Variants in SCLT1 observed in about 807,000 individuals in gnomAD.
The protein encoded by SCLT1 is sodium channel and clathrin linker 1, also known as sodium channel-associated protein 1.
SCLT1 carries 78 observed loss-of-function variants against 112.8 expected under a neutral mutation model. The ratio of observed to expected loss-of-function variants is 0.69; its 90% CI spans 0.58 to 0.83. The LOEUF (loss-of-function observed/expected upper bound fraction) is 0.83. SCLT1 is among the 40% of genes least tolerant of loss of function. The pLI is 0.00. For missense variants in SCLT1, 747 were observed against 770.4 expected, an observed-to-expected ratio of 0.97 and a Z score of 0.36; for synonymous variants, 257 against 254.7, an observed-to-expected ratio of 1.01 and a Z score of -0.09.
intron 5 of SCLT1, among the ~76,000 whole-genome samples, chr4:129,011,439 GTT>G (rs1428576889): frequency 2.0e-5 from 3 of 152,110 alleles, no homozygotes; most frequent in Non-Finnish European, 4.4e-5. Context: ...CATAAAATGA[GTT>G]TTATGGTCTG....
intron 10 of SCLT1, among the ~76,000 whole-genome samples, chr4:128,969,244 T>A (rs1300000468): frequency 1.3e-5 from 2 of 152,162 alleles, no homozygotes; most frequent in African/African-American, 2.4e-5. Context: ...ACTTTTTCTG[T>A]GTGTTTCTCT....
rs1008672550 is a variant in SCLT1, at chr4:129,057,064, G to A, written c.103-13013C>T. Among the ~76,000 whole-genome samples the A allele has an allele frequency of 5.9e-5, 9 of 151,982 alleles. No individual in the cohort carries two copies. In the South Asian group the frequency reaches 6.2e-4, roughly 10 times the overall value. On this transcript the variant is annotated intron_variant, in intron 2 of 20. Coordinates refer to ENST00000281142, the MANE Select transcript of SCLT1 (RefSeq NM_144643.4). ...TCAAGAAGATATGTTGAATTTTATC[G>A]CTTGCTTTTTTTGGATCTATTGAGA...
intron 2 of SCLT1, among the ~76,000 whole-genome samples, chr4:129,069,644 A>C (rs1323485922): frequency 6.6e-6 from 1 of 152,040 alleles, no homozygotes; most frequent in East Asian, 1.9e-4. Flanking sequence ...TCAGTTCTAG[A>C]AGCTTTCTGG....
chr4:128,969,054 TA>T (rs1185103976), intron 10 of SCLT1, among the ~76,000 whole-genome samples: 2 of 152,232 alleles, frequency 1.3e-5, no homozygotes, highest in Admixed American at 6.5e-5. Flanking sequence ...TATTCAATTA[TA>T]AAAAGTAGCA....
intron 2 of SCLT1, among the ~76,000 whole-genome samples, chr4:129,047,290 T>C (rs1748271739): frequency 6.6e-6 from 1 of 152,066 alleles, no homozygotes; most frequent in South Asian, 2.1e-4. Flanking sequence ...TGAGAGTAGT[T>C]TGGGTAGAGA....
intron 13 of SCLT1, 107 bp downstream of exon 13, chr4:128,956,919 A>G (rs1056687460): frequency 1.6e-6 from 1 of 621,702 alleles, no homozygotes; most frequent in Non-Finnish European, 2.8e-6. Context: ...GAGTCTTTAT[A>G]ACTATGTAGG....
At chr4:129,060,618 T>C (rs985340185) in intron 2 of SCLT1, among the ~76,000 whole-genome samples, 40 of 152,152 alleles carry the variant, frequency 2.6e-4, no homozygotes, top group Admixed American at 2.2e-3. Flanking sequence ...AACTGTGGGT[T>C]TCTTAGTGGC....
intron 5 of SCLT1, among the ~76,000 whole-genome samples, chr4:129,035,584 C>T (rs1004746035): frequency 6.6e-6 from 1 of 152,052 alleles, no homozygotes; most frequent in Non-Finnish European, 1.5e-5. Context: ...TGATGTCTTC[C>T]ATACCCTCAA....
intron 5 of SCLT1, among the ~76,000 whole-genome samples, chr4:129,008,113 A>G (rs1026823817): frequency 1.3e-5 from 2 of 152,106 alleles, no homozygotes; most frequent in Admixed American, 1.3e-4. Flanking sequence ...ATTATTTTTA[A>G]AAGTTTATAC....
At chr4:128,897,829 T>A (rs989085540) in intron 18 of SCLT1, among the ~76,000 whole-genome samples, 8 of 151,798 alleles carry the variant, frequency 5.3e-5, no homozygotes, top group African/African-American at 1.9e-4. Context: ...TGGAGGAAGA[T>A]CTACCAAGCA....
intron 15 of SCLT1, among the ~76,000 whole-genome samples, chr4:128,947,020 G>A (rs896708784): frequency 2.0e-5 from 3 of 152,186 alleles, no homozygotes; most frequent in African/African-American, 4.8e-5. Flanking sequence ...GCCTGGCCAA[G>A]TAACCTGTGT....
intron 14 of SCLT1, among the ~76,000 whole-genome samples, chr4:128,950,926 G>A (rs1738673353): frequency 6.6e-6 from 1 of 152,086 alleles, no homozygotes; most frequent in Non-Finnish European, 1.5e-5. Flanking sequence ...AAGGCTGTTA[G>A]GTACGTGTTG....
chr4:128,960,746 C>T (rs1020480100), intron 11 of SCLT1, among the ~76,000 whole-genome samples: 2 of 150,510 alleles, frequency 1.3e-5, no homozygotes, highest in Non-Finnish European at 3.0e-5. Context: ...AGGTGAAACC[C>T]CGTCTCTACT....
Position 129,043,426 on chromosome 4 carries a change from C to T in SCLT1, c.203G>A (p.Gly68Glu). The T allele has an allele frequency of 2.6e-6, 4 of 1,548,368 alleles. No individual in the cohort carries two copies. Among genetic ancestry groups the T allele is most frequent in the Non-Finnish European group, 3.5e-6 (4 of 1,128,772 alleles). Residue 68 changes from glycine (G) to glutamate (E), a missense_variant, in exon 4 of 21, where the codon GGA (glycine) becomes GAA (glutamate). By Grantham distance (98) the Gly-to-Glu change is moderately conservative (BLOSUM62 -2). Transcript: ENST00000281142. ...ATATTTCAGCTGCCCATTTAGTTCT[C>T]CTAGGTGTTTATCATACTCAGTAAC... ...PLVTEYDKHL[G>E]ELNGQLKYYQ...
intron 13 of SCLT1, 56 bp from the exon 14 acceptor site, chr4:128,952,896 C>G: frequency 1.2e-6 from 1 of 839,750 alleles, no homozygotes; most frequent in Non-Finnish European, 2.0e-6. Flanking sequence ...TGATTAATAT[C>G]TGATAAAAAC....
chr4:128,939,549 T>C (rs1423875522), intron 17 of SCLT1, among the ~76,000 whole-genome samples: 2 of 152,138 alleles, frequency 1.3e-5, no homozygotes, highest in African/African-American at 4.8e-5. Flanking sequence ...CTTTCTTGCT[T>C]CTTCCTTCCT....
In SCLT1 at chr4:129,003,779, C is replaced by T; in HGVS notation, c.388G>A (p.Val130Ile). Residue 130 changes from valine to isoleucine, a missense_variant, in exon 6 of 21, where the codon GTC becomes ATC. Physicochemically the swap from Val to Ile is conservative, Grantham distance 29 (BLOSUM62 3). Coordinates refer to ENST00000281142, the MANE Select transcript of SCLT1 (RefSeq NM_144643.4). Reference sequence around the variant, plus strand: ...TGCAATTGTTCTTGAAGGTTTCTGACTGTTTCATCATCTGCATATATGTCA... The same window carrying T: ...TGCAATTGTTCTTGAAGGTTTCTGATTGTTTCATCATCTGCATATATGTCA... Reference protein sequence around the residue: ...GTDIYADDETVRNLQEQLQLA... With the variant: ...GTDIYADDETIRNLQEQLQLA... 6.2e-7 allele frequency: 1 copy of T among 1,610,620 alleles called. No homozygotes were observed. The highest frequency in any genetic ancestry group is 8.5e-7 in the Non-Finnish European group (1 of 1,178,642).
At chr4:128,968,212 C>A (rs1740379431) in intron 10 of SCLT1, among the ~76,000 whole-genome samples, 1 of 152,112 alleles carries the variant, frequency 6.6e-6, no homozygotes, top group African/African-American at 2.4e-5. Context: ...ACTTATGTTG[C>A]ATTGCTTCAC....
chr4:128,954,162 C>A (rs1020720894), intron 13 of SCLT1, among the ~76,000 whole-genome samples: 1 of 151,862 alleles, frequency 6.6e-6, no homozygotes, highest in Non-Finnish European at 1.5e-5. Context: ...TAAAGGTCTT[C>A]GAGAATTTTC....
Sources: allele counts gnomAD v4.1 joint callset (sites outside exome capture counted in the v4.1 genomes callset), GRCh38; gene constraint gnomAD v4.1.1; transcripts MANE v1.5; gene names NCBI Gene and HGNC (gene_info 2026-07-23, HGNC 2026-07-21).